Variants in TBXAS1 observed in about 807,000 individuals in gnomAD.
The protein encoded by TBXAS1 is thromboxane-A synthase.
Under a neutral mutation model 60.7 loss-of-function variants are expected in TBXAS1, and 48 were observed. The ratio of observed to expected loss-of-function variants is 0.79; its 90% CI spans 0.63 to 1.01. The LOEUF is 1.01. TBXAS1 is among the 50% of genes least tolerant of loss of function. The pLI, the probability that TBXAS1 is intolerant of heterozygous loss-of-function variation, is 0.00. For missense variants in TBXAS1, 685 were observed against 686.3 expected (o/e 1.00, Z 0.02); for synonymous variants, 287 against 269.7 (o/e 1.06, Z -0.63).
At chr7:140,017,273 C>T (rs138153019) in intron 11 of TBXAS1, among the ~76,000 whole-genome samples, 36 of 152,284 alleles carry the variant, frequency 2.4e-4, no homozygotes, top group African/African-American at 8.4e-4. Flanking sequence ...AAGCAGGTGG[C>T]GGCTGGGTCA....
At chr7:139,846,997 A>T (rs1799861932) in intron 1 of TBXAS1, among the ~76,000 whole-genome samples, 1 of 152,114 alleles carries the variant, frequency 6.6e-6, no homozygotes, top group Non-Finnish European at 1.5e-5. Flanking sequence ...GGAGATAGTC[A>T]TTCTCTCCCT....
At chr7:139,918,987 T>G (rs938245566) in intron 4 of TBXAS1, among the ~76,000 whole-genome samples, 1 of 152,210 alleles carries the variant, frequency 6.6e-6, no homozygotes, top group African/African-American at 2.4e-5. Flanking sequence ...CATTTTAATT[T>G]TTTTATACTC....
At chr7:139,825,498 CA>C (rs1436832937), upstream of TBXAS1, among the ~76,000 whole-genome samples, 1 of 152,158 alleles carries the variant, frequency 6.6e-6, no homozygotes, top group Non-Finnish European at 1.5e-5. Flanking sequence ...AGGAATGAGC[CA>C]GTTAACTCAG....
At chr7:139,921,360 T>A (rs764830123) in intron 4 of TBXAS1, among the ~76,000 whole-genome samples, 4 of 152,208 alleles carry the variant, frequency 2.6e-5, no homozygotes, top group Non-Finnish European at 5.9e-5. Flanking sequence ...TGTTCTGGCA[T>A]CTTTTGCTCA....
chr7:139,866,211 A>G (rs1324363183), intron 1 of TBXAS1, among the ~76,000 whole-genome samples: 4 of 152,210 alleles, frequency 2.6e-5, no homozygotes, highest in Non-Finnish European at 5.9e-5. Flanking sequence ...ATCTCAGGTT[A>G]AGAAAATCTT....
At chr7:139,917,782 TTCA>T (rs1806123148) in intron 4 of TBXAS1, among the ~76,000 whole-genome samples, 1 of 152,226 alleles carries the variant, frequency 6.6e-6, no homozygotes, top group South Asian at 2.1e-4. Flanking sequence ...TGAAAATGAT[TTCA>T]TATTTTTGTG....
At chr7:139,809,153 G>GTAGA (rs60399618) in intron 4 of TBXAS1, among the ~76,000 whole-genome samples, 12,848 of 150,068 alleles carry the variant, frequency 0.086, 945 homozygotes, top group East Asian at 0.28. Context: ...TAGGAGATAG[G>GTAGA]TAGATAGATA....
intron 4 of TBXAS1, chr7:139,913,976 G>C (rs1041609686): frequency 6.6e-6 from 1 of 152,168 alleles, no homozygotes; most frequent in Non-Finnish European, 1.5e-5. Flanking sequence ...CAGAATTGAA[G>C]GCAGTGTAAC....
At chr7:140,010,975 C>CA (rs557900360) in intron 10 of TBXAS1, among the ~76,000 whole-genome samples, 4,108 of 135,398 alleles carry the variant, frequency 0.03, 82 homozygotes, top group Middle Eastern at 0.062. Flanking sequence ...AAAACAAAAC[C>CA]AAAAAAAAAA....
At chr7:139,946,059 A>G (rs1318729861) in intron 5 of TBXAS1, among the ~76,000 whole-genome samples, 1 of 152,218 alleles carries the variant, frequency 6.6e-6, no homozygotes, top group Admixed American at 6.5e-5. Context: ...CTGGCCAGGC[A>G]TGGTGGCTCA....
At chr7:139,880,478 A>G (rs1412313973) in intron 3 of TBXAS1, among the ~76,000 whole-genome samples, 1 of 152,230 alleles carries the variant, frequency 6.6e-6, no homozygotes, top group Non-Finnish European at 1.5e-5. Flanking sequence ...AGTACAAATG[A>G]GTATAAGAAA....
chr7:139,919,990 C>A (rs1481465316), intron 4 of TBXAS1, among the ~76,000 whole-genome samples: 1 of 152,214 alleles, frequency 6.6e-6, no homozygotes, highest in Non-Finnish European at 1.5e-5. Flanking sequence ...GTTGCTCCAT[C>A]ATTATTCACA....
intron 4 of TBXAS1, among the ~76,000 whole-genome samples, chr7:139,796,745 T>C (rs972294694): frequency 6.6e-6 from 1 of 152,198 alleles, no homozygotes; most frequent in African/African-American, 2.4e-5. Context: ...CAGGTTTATA[T>C]GGAAATGCTG....
intron 10 of TBXAS1, among the ~76,000 whole-genome samples, chr7:140,009,641 A>G (rs868469858): frequency 6.6e-4 from 12 of 18,120 alleles, no homozygotes; most frequent in East Asian, 4.2e-3. Context: ...CCCCACACCC[A>G]CCCCACACCT....
chr7:139,948,140 C>T (rs181579660), intron 5 of TBXAS1, among the ~76,000 whole-genome samples: 93 of 152,326 alleles, frequency 6.1e-4, no homozygotes, highest in African/African-American at 2.2e-3. Context: ...GCTGAGATTA[C>T]AGGAGTGAGC....
intron 9 of TBXAS1, among the ~76,000 whole-genome samples, chr7:140,000,876 T>C (rs1372013772): frequency 6.6e-6 from 1 of 152,242 alleles, no homozygotes; most frequent in Non-Finnish European, 1.5e-5. Flanking sequence ...CCACTGAATG[T>C]GTTCAAACAG....
intron 4 of TBXAS1, among the ~76,000 whole-genome samples, chr7:139,798,345 G>GA (rs1797623817): frequency 6.6e-6 from 1 of 152,210 alleles, no homozygotes; most frequent in Non-Finnish European, 1.5e-5. Flanking sequence ...GAACCGAGGA[G>GA]AAAACAGGGA....
rs149714042 is a variant in TBXAS1 at position 139,973,007 on chromosome 7, G to A, written c.1134+10774G>A. ...TACTGCGCCCAGCGAGAAAGGGGTC[G>A]GTGGAGTCAAAGAGAGAAGGCACTG... is the stretch of plus-strand genomic sequence containing the variant. On this transcript the variant is annotated intron_variant, in intron 9 of 12. Coordinates refer to ENST00000448866, the MANE Select transcript of TBXAS1 (RefSeq NM_001061.7). Among the ~76,000 whole-genome samples, 800 of 152,086 alleles carry A rather than the reference G, an allele frequency of 5.3e-3. 5 individuals are homozygous for A. The highest frequency in any genetic ancestry group is 0.01 in the Middle Eastern group (3 of 294).
chr7:139,923,624 A>G (rs1584864850), intron 4 of TBXAS1, among the ~76,000 whole-genome samples: 3 of 152,208 alleles, frequency 2.0e-5, no homozygotes, highest in Admixed American at 2.0e-4. Flanking sequence ...TGTTACAAAC[A>G]ATCCAATTAT....
Sources: allele counts gnomAD v4.1 joint callset (sites outside exome capture counted in the v4.1 genomes callset), GRCh38; gene constraint gnomAD v4.1.1; transcripts MANE v1.5; gene names NCBI Gene and HGNC (gene_info 2026-07-23, HGNC 2026-07-21).